The following GAS7 variants were observed in gnomAD, a reference collection of about 807,000 sequenced individuals.
GAS7 encodes growth arrest-specific protein 7.
A neutral mutation model predicts 71.1 loss-of-function variants in GAS7; 28 were observed. The observed-to-expected ratio is 0.39, with a 90% CI of 0.29 to 0.54. The LOEUF is 0.54. GAS7 is among the 20% of genes least tolerant of loss of function. The pLI is 0.62. For synonymous variants in GAS7, 258 were observed against 245.8 expected, an observed-to-expected ratio of 1.05 and a Z score of -0.46; for missense variants, 436 against 627.8, an observed-to-expected ratio of 0.69 and a Z score of 3.27.
chr17:10,018,437 C>T (rs1056341245), intron 2 of GAS7, among the ~76,000 whole-genome samples: 8 of 152,296 alleles, frequency 5.3e-5, no homozygotes, highest in South Asian at 2.1e-4. Context: ...CATGATCCTA[C>T]GGTCCAAATT....
intron 1 of GAS7, among the ~76,000 whole-genome samples, chr17:10,114,845 G>C (rs539969415): frequency 5.1e-4 from 77 of 152,224 alleles, no homozygotes; most frequent in African/African-American, 1.8e-3. Flanking sequence ...CACAGGCTTG[G>C]GGCAATCTCC....
At chr17:10,180,544 G>A (rs2074406928) in intron 1 of GAS7, among the ~76,000 whole-genome samples, 1 of 152,022 alleles carries the variant, frequency 6.6e-6, no homozygotes, top group African/African-American at 2.4e-5. Flanking sequence ...CCCAAGGGAG[G>A]CCGATTTCTT....
intron 1 of GAS7, among the ~76,000 whole-genome samples, chr17:10,046,837 GAAGGAAGGA>G (rs2072974682): frequency 9.3e-6 from 1 of 107,604 alleles, no homozygotes; most frequent in African/African-American, 4.5e-5. Context: ...AGGAAGGAAG[GAAGGAAGGA>G]AAGAAAAGAA....
At chr17:9,934,718 G>A (rs968978007) in intron 8 of GAS7, among the ~76,000 whole-genome samples, 1 of 152,132 alleles carries the variant, frequency 6.6e-6, no homozygotes, top group Non-Finnish European at 1.5e-5. Context: ...TCTATTCCAG[G>A]GAGAAGCTCT....
At chr17:10,187,974 T>C (rs754201033) in intron 1 of GAS7, among the ~76,000 whole-genome samples, 14 of 152,224 alleles carry the variant, frequency 9.2e-5, no homozygotes, top group Admixed American at 2.0e-4. Flanking sequence ...ATTTTTATTT[T>C]TTAAATTCAG....
chr17:10,147,607 G>A (rs537348390), intron 1 of GAS7, among the ~76,000 whole-genome samples: 12 of 152,150 alleles, frequency 7.9e-5, no homozygotes, highest in Non-Finnish European at 1.8e-4. Context: ...ATCAGCCAAG[G>A]GGGCTAAGAA....
intron 1 of GAS7, among the ~76,000 whole-genome samples, chr17:10,127,649 C>G (rs540200781): frequency 6.6e-5 from 10 of 152,314 alleles, no homozygotes; most frequent in East Asian, 5.8e-4. Context: ...CCAGATCTTG[C>G]GCAGAAAATC....
chr17:10,080,827 G>C (rs1199952641), intron 1 of GAS7, among the ~76,000 whole-genome samples: 1 of 152,240 alleles, frequency 6.6e-6, no homozygotes, highest in Non-Finnish European at 1.5e-5. Flanking sequence ...TATTCCATCA[G>C]ATAGTAAAAC....
intron 1 of GAS7, among the ~76,000 whole-genome samples, chr17:10,152,121 G>A (rs1056760890): frequency 8.8e-4 from 134 of 152,280 alleles, no homozygotes; most frequent in Middle Eastern, 6.8e-3. Context: ...TGGCTGTCAC[G>A]TGTAGGTGGA....
At chr17:9,943,496 A>G (rs2152094168) in intron 6 of GAS7, among the ~76,000 whole-genome samples, 1 of 152,286 alleles carries the variant, frequency 6.6e-6, no homozygotes, top group Non-Finnish European at 1.5e-5. Context: ...CTGGGAACTG[A>G]GAGGAAGAAG....
At chr17:10,130,395 C>A (rs1229701035) in intron 1 of GAS7, among the ~76,000 whole-genome samples, 2 of 151,820 alleles carry the variant, frequency 1.3e-5, no homozygotes, top group African/African-American at 4.8e-5. Flanking sequence ...CATTGGAACC[C>A]TCATACGATC....
chr17:10,131,086 G>A lies in GAS7; in HGVS notation c.183+67122C>T, dbSNP rs11657633. ...GCTATTACTTCCACACCCAAGCCAAGGCCACGACTACTTTCTGAAACTCCT... is the reference window on the plus strand; with the variant it reads ...GCTATTACTTCCACACCCAAGCCAAAGCCACGACTACTTTCTGAAACTCCT... On this transcript the variant is annotated intron_variant, in intron 1 of 13. Coordinates refer to ENST00000432992, the MANE Select transcript of GAS7 (RefSeq NM_201433.2). Among the ~76,000 whole-genome samples, 936 of 152,268 alleles carry A rather than the reference G, an allele frequency of 6.1e-3. 6 individuals are homozygous for A. The highest frequency in any genetic ancestry group is 0.011 in the Non-Finnish European group (777 of 68,020).
intron 1 of GAS7, among the ~76,000 whole-genome samples, chr17:10,033,727 C>T (rs965877047): frequency 6.6e-6 from 1 of 152,204 alleles, no homozygotes; most frequent in African/African-American, 2.4e-5. Context: ...TGACGGCCCG[C>T]CTGCACCTGC....
At chr17:9,945,052 T>C (rs1382794332) in intron 6 of GAS7, among the ~76,000 whole-genome samples, 3 of 152,142 alleles carry the variant, frequency 2.0e-5, no homozygotes, top group African/African-American at 7.2e-5. Flanking sequence ...CGGATGCTGC[T>C]GGATGCAGGC....
At position 10,129,635 on chromosome 17, in the gene GAS7, A is replaced by T. The variant is rs781174185; in HGVS notation, c.183+68573T>A. ...AGATATGACACCAAAAGCACAAGGA[A>T]TCAAAGGAAAAAATCGGTAAACTGG... On this transcript the variant is annotated intron_variant, in intron 1 of 13. Transcript: ENST00000432992. Among the ~76,000 whole-genome samples the T allele has an allele frequency of 3.2e-4, 48 of 152,344 alleles. 2 individuals carry two copies. In the Middle Eastern group the frequency reaches 0.01, roughly 32 times the overall value.
At chr17:10,166,484 C>T (rs1016883999) in intron 1 of GAS7, among the ~76,000 whole-genome samples, 2 of 152,210 alleles carry the variant, frequency 1.3e-5, no homozygotes, top group Non-Finnish European at 2.9e-5. Flanking sequence ...TTTAGCTTTT[C>T]AATGAAATAT....
At chr17:9,997,895 G>T (rs73262588) in intron 2 of GAS7, among the ~76,000 whole-genome samples, 1 of 152,204 alleles carries the variant, frequency 6.6e-6, no homozygotes, top group Non-Finnish European at 1.5e-5. Flanking sequence ...GGCCAGGGAT[G>T]GGGGAAGGGG....
intron 2 of GAS7, among the ~76,000 whole-genome samples, chr17:10,005,042 C>CATATATATATATATATATATATATAT (rs370673273): frequency 1.0e-4 from 15 of 144,900 alleles, no homozygotes; most frequent in East Asian, 4.1e-4. Context: ...TATATACATA[C>CATATATATATATATATATATATATAT]ATATATATAC....
At chr17:10,185,402 C>T (rs918814594) in intron 1 of GAS7, among the ~76,000 whole-genome samples, 1 of 152,152 alleles carries the variant, frequency 6.6e-6, no homozygotes, top group African/African-American at 2.4e-5. Context: ...ATATGAATTC[C>T]ACTTATGGAG....
Sources: gnomAD v4.1 joint callset for allele counts (sites outside exome capture counted in the v4.1 genomes callset) on GRCh38, gnomAD v4.1.1 for gene constraint, MANE v1.5 for transcripts, NCBI Gene and HGNC (gene_info 2026-07-23, HGNC 2026-07-21) for gene names.